The following ATM variants were observed in gnomAD, a reference collection of about 807,000 sequenced individuals.
ATM encodes the protein serine-protein kinase ATM.
A neutral mutation model predicts 387.0 loss-of-function variants in ATM; 308 were observed. The observed-to-expected ratio is 0.80, with a 90% CI of 0.73 to 0.87. The LOEUF is 0.87. Ranked by LOEUF, ATM falls within the 40% of genes least tolerant of loss-of-function variation. The probability of loss-of-function intolerance (pLI) is 0.00; values close to 1 mark genes in which losing one functional copy is unlikely to be tolerated. For missense variants in ATM, 3,312 were observed against 3,560.9 expected (o/e 0.93, Z 1.78); for synonymous variants, 1,156 against 1,187.3 (o/e 0.97, Z 0.54).
intron 22 of ATM, among the ~76,000 whole-genome samples, chr11:108,273,318 T>G (rs1337828656): frequency 6.8e-6 from 1 of 148,026 alleles, no homozygotes. Context: ...AATAAACATA[T>G]ATTAATTTCA....
At position 108,356,542 on chromosome 11, in the gene ATM, A is replaced by T. The variant is rs868062962; in HGVS notation, c.8850+1668A>T. 4.6e-3 allele frequency among the ~76,000 whole-genome samples: 631 copies of T among 135,890 alleles called. 6 individuals are homozygous for T. Among genetic ancestry groups the T allele is most frequent in the African/African-American group, 0.017 (581 of 33,560 alleles). The allele number at this position is 135,890 out of a possible 152,430, so 89.1% of individuals were successfully genotyped here. ...CAAGAGCAAGACTCTGTCTGTCTTA[A>T]AAAAAAAAAAAAAAAAAAGCCCAAA... On this transcript the variant is annotated intron_variant, in intron 61 of 62. Transcript: ENST00000675843.
intron 27 of ATM, among the ~76,000 whole-genome samples, chr11:108,288,763 G>A (rs1308071746): frequency 6.6e-6 from 1 of 151,974 alleles, no homozygotes; most frequent in Non-Finnish European, 1.5e-5. Context: ...GATTATTTAA[G>A]TTACTGAGGG....
At chr11:108,292,246 G>A (rs939330682) in intron 29 of ATM, among the ~76,000 whole-genome samples, 27 of 152,186 alleles carry the variant, frequency 1.8e-4, no homozygotes, top group Admixed American at 1.6e-3. Flanking sequence ...TTGTTGCCAC[G>A]CTGGGGTAGG....
intron 43 of ATM, among the ~76,000 whole-genome samples, chr11:108,317,913 C>A (rs2084888957): frequency 6.6e-6 from 1 of 151,834 alleles, no homozygotes; most frequent in African/African-American, 2.4e-5. Context: ...TATCATCTCG[C>A]ATAGTTTGTT....
intron 41 of ATM, 38 bp from the exon 42 acceptor site, chr11:108,315,973 G>A (rs750344356): frequency 1.2e-6 from 2 of 1,611,154 alleles, no homozygotes; most frequent in Middle Eastern, 1.7e-4. Context: ...TTATGTGTGT[G>A]TAAAACCCAA....
rs1015409440 is a variant in ATM, at chr11:108,368,592, G to C, written c.*3084G>C. 4.6e-5 allele frequency: 10 copies of C among 218,094 alleles called. No individual in the cohort carries two copies. Among genetic ancestry groups the C allele is most frequent in the African/African-American group, 2.2e-4 (10 of 44,504 alleles). The allele number at this position is 218,094 out of a possible 1,614,324, so 13.5% of individuals were successfully genotyped here. On this transcript the variant is annotated 3_prime_UTR_variant, in exon 63 of 63. Transcript: ENST00000675843. ...ATATGGACAGTATCTAACTTGAAAA[G>C]ATTTCAGGCGAAAAGAATCTGGGGT...
intron 22 of ATM, among the ~76,000 whole-genome samples, chr11:108,273,750 G>A (rs187871807): frequency 1.1e-4 from 16 of 152,188 alleles, no homozygotes; most frequent in Admixed American, 5.9e-4. Flanking sequence ...GTGGATAAGC[G>A]TTTTGATGTG....
intron 16 of ATM, 51 bp downstream of exon 16, chr11:108,259,126 T>G: frequency 7.0e-7 from 1 of 1,426,658 alleles, no homozygotes; most frequent in Non-Finnish European, 9.8e-7. Context: ...ATAGGCATAA[T>G]TTTTTTGTTG....
intron 13 of ATM, 118 bp from the exon 14 acceptor site, chr11:108,256,097 A>C (rs1251000320): frequency 1.1e-6 from 1 of 917,612 alleles, no homozygotes; most frequent in Non-Finnish European, 1.5e-6. Context: ...TGCCACCTTT[A>C]ACTCAGTTAA....
At chr11:108,267,580 C>T (rs532984346) in intron 17 of ATM, among the ~76,000 whole-genome samples, 3 of 151,940 alleles carry the variant, frequency 2.0e-5, no homozygotes, top group South Asian at 4.2e-4. Context: ...AAAACCAGGC[C>T]AGGCATGGTG....
At position 108,368,246 on chromosome 11, in the gene ATM, G is replaced by A. The variant is rs1352900392; in HGVS notation, c.*2738G>A. On this transcript the variant is annotated 3_prime_UTR_variant, in exon 63 of 63. Transcript: ENST00000675843. ...TTGTAATTTTAGTAGAGACAGGGTT[G>A]CCATTGTATTCCAGCCTTGGCGACA... 2.0e-5 allele frequency: 4 copies of A among 204,158 alleles called. No homozygotes were observed. The Admixed American group carries it at 2.4e-4, about 12-fold the overall frequency. The allele number at this position is 204,158 out of a possible 1,614,324, so 12.6% of individuals were successfully genotyped here.
At position 108,236,711 on chromosome 11, in the gene ATM, T is replaced by C. The variant is rs2135138136; in HGVS notation, c.496+877T>C. Reference sequence around the variant, plus strand: ...TAGAATAGAATGCATTAGAAGACAATGTACAGAACCCAGTGATTCATTAGA... The same window carrying C: ...TAGAATAGAATGCATTAGAAGACAACGTACAGAACCCAGTGATTCATTAGA... On this transcript the variant is annotated intron_variant, in intron 5 of 62. Coordinates refer to ENST00000675843, the MANE Select transcript of ATM (RefSeq NM_000051.4). Among the ~76,000 whole-genome samples the C allele has an allele frequency of 2.6e-5, 4 of 152,270 alleles. No individual in the cohort carries two copies. The South Asian group carries it at 8.3e-4, about 32-fold the overall frequency.
Position 108,317,568 on chromosome 11 carries a change from C to T in ATM, c.6347+47C>T, listed in dbSNP as rs752104231. Reference sequence around the variant, plus strand: ...TTTTTTTTTTGCCTCTCTCCTCATTCTAAACAACAACTGTTTTTCTCTTCT... The same window carrying T: ...TTTTTTTTTTGCCTCTCTCCTCATTTTAAACAACAACTGTTTTTCTCTTCT... On this transcript the variant is annotated intron_variant, in intron 43 of 62. Transcript: ENST00000675843. The T allele has an allele frequency of 1.9e-4, 279 of 1,507,896 alleles. 1 individual carries two copies. The highest frequency in any genetic ancestry group is 2.3e-4 in the Non-Finnish European group (262 of 1,115,668). 93.4% of individuals were successfully genotyped at this position (1,507,896 alleles called of 1,614,324 possible). A position where few individuals can be genotyped will look rare whatever the true frequency, so the allele number is the denominator to read the frequency against.
At position 108,316,228 on chromosome 11, in the gene ATM, A is replaced by G. The variant is rs2084636435; in HGVS notation, c.6198+115A>G. 3.8e-6 allele frequency: 4 copies of G among 1,041,544 alleles called. No individual in the cohort carries two copies. In the African/African-American group the frequency reaches 6.3e-5, roughly 16 times the overall value. The allele number at this position is 1,041,544 out of a possible 1,614,324, so 64.5% of individuals were successfully genotyped here. A position where few individuals can be genotyped will look rare whatever the true frequency, so the allele number is the denominator to read the frequency against. ...AACTCTAGAGATAAGACTAGAACTT[A>G]TCTGTTTTTCAGAGGATTAGGCTAA... On this transcript the variant is annotated intron_variant, in intron 42 of 62. Transcript: ENST00000675843.
chr11:108,232,616 T>C (rs1416995422), intron 4 of ATM, among the ~76,000 whole-genome samples: 1 of 134,208 alleles, frequency 7.5e-6, no homozygotes, highest in East Asian at 2.5e-4. Flanking sequence ...CTTGGCTCAC[T>C]GCAGCCTCTT....
chr11:108,298,066 A>T (rs1015941891), intron 33 of ATM, among the ~76,000 whole-genome samples: 2 of 152,150 alleles, frequency 1.3e-5, no homozygotes, highest in Admixed American at 1.3e-4. Context: ...ATTAAACTTA[A>T]ATAATTAAAA....
At chr11:108,262,431 G>A (rs1035112889) in intron 16 of ATM, among the ~76,000 whole-genome samples, 3 of 152,186 alleles carry the variant, frequency 2.0e-5, no homozygotes, top group African/African-American at 7.2e-5. Context: ...ACAAGCAAAT[G>A]CTGAGAGATT....
At chr11:108,267,720 G>A (rs1485350570) in intron 17 of ATM, among the ~76,000 whole-genome samples, 1 of 152,118 alleles carries the variant, frequency 6.6e-6, no homozygotes, top group Non-Finnish European at 1.5e-5. Flanking sequence ...AGATGGGCGT[G>A]GTGGCGGGCG....
chr11:108,289,727 A>C lies in ATM; in HGVS notation c.4362A>C (p.Lys1454Asn), dbSNP rs148993589. The change falls in exon 29 of 63, where the codon AAA (lysine) becomes AAC (asparagine). Residue 1454 changes from lysine to asparagine, a missense_variant. This residue lies in a region of ATM where 1,791 missense variants were observed against 1,804.5 expected (regional missense o/e 0.99). Transcript: ENST00000675843. ...TTAGTTTATTACTGAAAGATATAAA[A>C]AGTGGCTTAGGAGGAGCTTGGGCCT... is the stretch of plus-strand genomic sequence containing the variant. ...LFVSLLLKDI[K>N]SGLGGAWAFV... 4.0e-4 allele frequency: 640 copies of C among 1,613,818 alleles called. 1 individual carries two copies. Among genetic ancestry groups the C allele is most frequent in the Non-Finnish European group, 5.0e-4 (595 of 1,179,980 alleles).
Sources: gnomAD v4.1 joint callset for allele counts (sites outside exome capture counted in the v4.1 genomes callset) on GRCh38, gnomAD v4.1.1 for gene constraint, gnomAD v4.1.1 regional missense constraint, MANE v1.5 for transcripts, NCBI Gene and HGNC (gene_info 2026-07-23, HGNC 2026-07-21) for gene names.